INPP5A: variants seen among roughly 807,000 people sequenced by gnomAD.
INPP5A encodes the protein inositol polyphosphate-5-phosphatase A.
INPP5A carries 14 observed loss-of-function variants against 65.2 expected under a neutral mutation model. The observed-to-expected ratio is 0.21, with a 90% CI of 0.14 to 0.34. The LOEUF (loss-of-function observed/expected upper bound fraction) is 0.34, where lower values mean the gene tolerates loss of function less well. Ranked by LOEUF, INPP5A falls within the 10% of genes least tolerant of loss-of-function variation. INPP5A has a pLI of 1.00. For missense variants in INPP5A, 431 were observed against 545.6 expected (o/e 0.79, Z 2.09); for synonymous variants, 207 against 208.3 (o/e 0.99, Z 0.05).
intron 12 of INPP5A, 22 bp from the exon 13 acceptor site, chr10:132,777,649 C>G: frequency 6.2e-7 from 1 of 1,607,668 alleles, no homozygotes. Context: ...CCGGCTGACC[C>G]TCTGCCTTCA....
rs923580683 is a variant in INPP5A, at chr10:132,602,789, C to T, written c.76-5126C>T. On this transcript the variant is annotated intron_variant, in intron 1 of 15. Coordinates refer to ENST00000368594, the MANE Select transcript of INPP5A (RefSeq NM_005539.5). Reference sequence around the variant, plus strand: ...TGATGAGCGCGGGCATCCTGGTGTTCCTGCTCTTAGAGGGAAAGCTTTCTG... The same window carrying T: ...TGATGAGCGCGGGCATCCTGGTGTTTCTGCTCTTAGAGGGAAAGCTTTCTG... Among the ~76,000 whole-genome samples, 5 of 152,150 alleles carry T rather than the reference C, an allele frequency of 3.3e-5. No individual in the cohort carries two copies. The East Asian group carries it at 7.7e-4, about 23-fold the overall frequency.
intron 4 of INPP5A, among the ~76,000 whole-genome samples, chr10:132,673,493 T>C (rs574530384): frequency 6.6e-6 from 1 of 152,252 alleles, no homozygotes; most frequent in East Asian, 1.9e-4. Context: ...TGCCACCTAG[T>C]TGGTGTTGTA....
chr10:132,720,038 C>A (rs1453339546), intron 8 of INPP5A, among the ~76,000 whole-genome samples: 2 of 150,712 alleles, frequency 1.3e-5, no homozygotes, highest in African/African-American at 4.9e-5. Flanking sequence ...CCTTAGACGG[C>A]TGTCTTGTGG....
Position 132,705,605 on chromosome 10 carries a change from C to A in INPP5A, c.475-2708C>A, listed in dbSNP as rs1354118487. ...AAGTCTCTGTACCTTATGCTCAATT[C>A]TTCTGGAAGCCTAAAGCTGCTCTGA... On this transcript the variant is annotated intron_variant, in intron 6 of 15. Transcript: ENST00000368594. This position sits in a 1 kb window ranked among gnomAD's most constrained non-coding sequence, Gnocchi z 4.9. Among the ~76,000 whole-genome samples the A allele has an allele frequency of 6.6e-6, 1 of 152,258 alleles. No homozygotes were observed. The highest frequency in any genetic ancestry group is 1.5e-5 in the Non-Finnish European group (1 of 68,046).
chr10:132,730,704 G>A (rs1339844153), intron 9 of INPP5A, among the ~76,000 whole-genome samples: 1 of 152,204 alleles, frequency 6.6e-6, no homozygotes, highest in Non-Finnish European at 1.5e-5. Context: ...GCAGGAACGT[G>A]GCAGAGCTCC....
intron 11 of INPP5A, among the ~76,000 whole-genome samples, chr10:132,758,695 A>C (rs1265525436): frequency 6.6e-6 from 1 of 152,158 alleles, no homozygotes; most frequent in East Asian, 1.9e-4. Flanking sequence ...TCCTATTGTC[A>C]TGGACTGTCT....
intron 11 of INPP5A, among the ~76,000 whole-genome samples, chr10:132,754,530 A>G (rs908970540): frequency 6.6e-6 from 1 of 152,148 alleles, no homozygotes; most frequent in African/African-American, 2.4e-5. Context: ...TCACCCCTCC[A>G]CCCCTGGCTC....
At chr10:132,677,943 A>G (rs2072989196) in intron 4 of INPP5A, among the ~76,000 whole-genome samples, 1 of 152,246 alleles carries the variant, frequency 6.6e-6, no homozygotes. Context: ...GATGAATACA[A>G]TGGACAACCA....
chr10:132,670,006 C>T (rs367666542), intron 4 of INPP5A, among the ~76,000 whole-genome samples: 142 of 151,960 alleles, frequency 9.3e-4, no homozygotes, highest in African/African-American at 3.3e-3. Context: ...GCAGAAAATC[C>T]CTCTGCAGCC....
Position 132,741,748 on chromosome 10 carries a change from G to T in INPP5A, c.733-7769G>T, listed in dbSNP as rs10870327. 5.1e-5 allele frequency among the ~76,000 whole-genome samples: 2 copies of T among 39,602 alleles called. No homozygotes were observed. The highest frequency in any genetic ancestry group is 1.1e-4 in the African/African-American group (2 of 17,542). The allele number at this position is 39,602 out of a possible 152,430, so 26.0% of individuals were successfully genotyped here. On this transcript the variant is annotated intron_variant, in intron 9 of 15. Transcript: ENST00000368594. This position sits in a 1 kb window ranked among gnomAD's most constrained non-coding sequence, Gnocchi z 4.4. ...TGTCCGCTTGCTTTACTCAATAGCC[G>T]ACGTAAACTGAGGTGGACGTCAGTG...
intron 2 of INPP5A, 66 bp from the exon 3 acceptor site, chr10:132,645,802 G>A (rs2072485619): frequency 3.2e-6 from 4 of 1,265,150 alleles, no homozygotes; most frequent in Admixed American, 3.9e-5. Context: ...CGGTGGAGGG[G>A]GTGGTGCCAC....
At chr10:132,548,200 C>T (rs566461789) in intron 1 of INPP5A, among the ~76,000 whole-genome samples, 1 of 152,098 alleles carries the variant, frequency 6.6e-6, no homozygotes, top group Admixed American at 6.5e-5. Flanking sequence ...TATTCGGGTT[C>T]TGCTCAAATG....
At chr10:132,683,687 C>G (rs538649757) in intron 4 of INPP5A, among the ~76,000 whole-genome samples, 3 of 152,316 alleles carry the variant, frequency 2.0e-5, no homozygotes, top group Admixed American at 2.0e-4. Flanking sequence ...TTATGTGCAA[C>G]AGAGAAATGG....
chr10:132,551,262 C>G lies in INPP5A; in HGVS notation c.75+13091C>G, dbSNP rs535193976. Among the ~76,000 whole-genome samples, 1 of 152,366 alleles carries G rather than the reference C, an allele frequency of 6.6e-6. No individual in the cohort carries two copies. The highest frequency in any genetic ancestry group is 1.9e-4 in the East Asian group (1 of 5,190). ...AGTGGGGAGCCCCTTCCTGTGGTCC[C>G]TGGCACTCTGACCACATGGATGAGC... On this transcript the variant is annotated intron_variant, in intron 1 of 15. Coordinates refer to ENST00000368594, the MANE Select transcript of INPP5A (RefSeq NM_005539.5). This position sits in a 1 kb window ranked among gnomAD's most constrained non-coding sequence, Gnocchi z 5.3.
At chr10:132,542,584 G>A (rs1186991207) in intron 1 of INPP5A, among the ~76,000 whole-genome samples, 1 of 152,196 alleles carries the variant, frequency 6.6e-6, no homozygotes, top group African/African-American at 2.4e-5. Flanking sequence ...CCCTCGAGTG[G>A]GGTGGGGGGG....
intron 9 of INPP5A, among the ~76,000 whole-genome samples, chr10:132,730,966 CA>C (rs1468229139): frequency 7.9e-5 from 12 of 152,232 alleles, no homozygotes. Flanking sequence ...GACTTTCAAC[CA>C]GTGCAGGGGC....
chr10:132,720,250 C>A (rs571320765), intron 8 of INPP5A, among the ~76,000 whole-genome samples: 16 of 110,114 alleles, frequency 1.5e-4, no homozygotes, highest in South Asian at 1.0e-3. Context: ...GGCTGTCTTG[C>A]GGGTTCTGTG....
chr10:132,569,728 T>G (rs904291167), intron 1 of INPP5A, among the ~76,000 whole-genome samples: 1 of 151,060 alleles, frequency 6.6e-6, no homozygotes, highest in African/African-American at 2.4e-5. Context: ...GGTCTCGAAC[T>G]CCTGACCTCA....
chr10:132,714,150 C>T (rs1845697997), intron 8 of INPP5A, among the ~76,000 whole-genome samples: 1 of 152,220 alleles, frequency 6.6e-6, no homozygotes, highest in Non-Finnish European at 1.5e-5. Flanking sequence ...CATTGCCCCT[C>T]GCTGCCATGG....
Sources: allele counts gnomAD v4.1 joint callset (sites outside exome capture counted in the v4.1 genomes callset), GRCh38; gene constraint gnomAD v4.1.1; non-coding constraint Gnocchi (gnomAD v3.1); transcripts MANE v1.5; gene names NCBI Gene and HGNC (gene_info 2026-07-23, HGNC 2026-07-21).